Variants in IKZF5 observed in about 807,000 individuals in gnomAD.
IKZF5 encodes the protein zinc finger protein Pegasus.
IKZF5 carries 4 observed loss-of-function variants against 30.7 expected under a neutral mutation model. The ratio of observed to expected loss-of-function variants is 0.13; its 90% CI spans 0.06 to 0.30. The LOEUF (loss-of-function observed/expected upper bound fraction) is 0.30, where lower values mean the gene tolerates loss of function less well. Among genes scored for constraint, IKZF5 ranks in the 10% least tolerant of loss-of-function variants. IKZF5 has a pLI of 1.00. For missense variants in IKZF5, 348 were observed against 525.5 expected, an observed-to-expected ratio of 0.66 and a Z score of 3.30; for synonymous variants, 148 against 179.6, an observed-to-expected ratio of 0.82 and a Z score of 1.41.
chr10:122,999,392 C>G (rs185590337), intron 2 of IKZF5, among the ~76,000 whole-genome samples: 1 of 152,300 alleles, frequency 6.6e-6, no homozygotes, highest in African/African-American at 2.4e-5. Context: ...AATGAGTAGT[C>G]TGCAAATAAG....
In IKZF5 at chr10:123,008,765, C is replaced by A; in HGVS notation, c.-269G>T. ...GTCGCCGCCGCCGCCGTCTTCGTCA[C>A]CGTCACAGTCGCCGCCGCCATCTTT... On this transcript the variant is annotated 5_prime_UTR_variant, in exon 1 of 5. Coordinates refer to ENST00000368886, the MANE Select transcript of IKZF5 (RefSeq NM_001372123.1). 1.6e-6 allele frequency: 1 copy of A among 607,108 alleles called. No individual in the cohort carries two copies. The highest frequency in any genetic ancestry group is 2.8e-5 in the Admixed American group (1 of 35,790). The allele number at this position is 607,108 out of a possible 1,614,324, so 37.6% of individuals were successfully genotyped here. A position where few individuals can be genotyped will look rare whatever the true frequency, so the allele number is the denominator to read the frequency against.
intron 2 of IKZF5, among the ~76,000 whole-genome samples, chr10:123,002,587 G>A (rs1402814987): frequency 6.6e-6 from 1 of 151,204 alleles, no homozygotes; most frequent in African/African-American, 2.4e-5. Flanking sequence ...CACTTTGGGA[G>A]GCCGAGGCAG....
chr10:122,994,340 T>C lies in IKZF5; in HGVS notation c.700A>G (p.Thr234Ala), dbSNP rs1849282244. 2.5e-6 allele frequency: 4 copies of C among 1,613,978 alleles called. No homozygotes were observed. The highest frequency in any genetic ancestry group is 2.2e-5 in the East Asian group (1 of 44,870). Residue 234 changes from threonine (T) to alanine (A), a missense_variant, in exon 5 of 5, where the codon ACA (threonine) becomes GCA (alanine). Around this residue, in one of 4 missense-constraint regions of IKZF5, gnomAD observed 176 missense variants for 198.2 expected, o/e 0.89. Transcript: ENST00000368886. The surrounding 1 kb of genome is among the most constrained non-coding windows in gnomAD (Gnocchi z 5.6). ...TDSYESMAKTTPTGGLPRDPQ... is the reference protein window; with the variant it reads ...TDSYESMAKTAPTGGLPRDPQ... ...TCCCTTGGAAGGCCACCAGTTGGTGTGGTTTTTGCCATACTTTCATAGGAG... is the reference window on the plus strand; with the variant it reads ...TCCCTTGGAAGGCCACCAGTTGGTGCGGTTTTTGCCATACTTTCATAGGAG...
chr10:123,008,365 G>C (rs746956495), intron 1 of IKZF5, among the ~76,000 whole-genome samples: 5 of 152,034 alleles, frequency 3.3e-5, no homozygotes, highest in Non-Finnish European at 7.4e-5. Context: ...CGCAAACCTC[G>C]GGACGCCTCC....
rs998071426 is a variant in IKZF5 at position 122,991,070 on chromosome 10, T to C, written c.*2710A>G. 1 of 152,046 alleles carries C rather than the reference T, an allele frequency of 6.6e-6. No individual in the cohort carries two copies. Among genetic ancestry groups the C allele is most frequent in the Non-Finnish European group, 1.5e-5 (1 of 67,992 alleles). The allele number at this position is 152,046 out of a possible 1,614,324, so 9.4% of individuals were successfully genotyped here. On this transcript the variant is annotated 3_prime_UTR_variant, in exon 5 of 5. Transcript: ENST00000368886. ...TCTTTAGCAGGGAATTAAAAAAAAA[T>C]TAACATTCATTTGATAAATATTTTG...
Position 122,994,236 on chromosome 10 carries a change from T to G in IKZF5, c.804A>C (p.Glu268Asp), listed in dbSNP as rs1429555960. 2 of 1,613,876 alleles carry G rather than the reference T, an allele frequency of 1.2e-6. No homozygotes were observed. Among genetic ancestry groups the G allele is most frequent in the Non-Finnish European group, 1.7e-6 (2 of 1,180,000 alleles). ...CATCAGGGGATGCAGGGTTTTGGTT[T>G]TCGGGTGGCAGACTGGACAACTGCC... ...LAGQLSSLPP[E>D]NQNPASPDVV... Residue 268 changes from glutamate (E) to aspartate (D), a missense_variant, in exon 5 of 5, where the codon GAA (glutamate) becomes GAC (aspartate). By Grantham distance (45) the Glu-to-Asp change is conservative. Coordinates refer to ENST00000368886, the MANE Select transcript of IKZF5 (RefSeq NM_001372123.1). This position sits in a 1 kb window ranked among gnomAD's most constrained non-coding sequence, Gnocchi z 5.6.
intron 2 of IKZF5, among the ~76,000 whole-genome samples, chr10:123,001,915 C>A (rs561124022): frequency 1.3e-5 from 2 of 152,210 alleles, no homozygotes; most frequent in South Asian, 2.1e-4. Flanking sequence ...ATCAAAACTT[C>A]TTCTTTGACT....
intron 3 of IKZF5, 102 bp downstream of exon 3, chr10:122,998,391 A>G: frequency 1.0e-5 from 10 of 983,608 alleles, no homozygotes; most frequent in Non-Finnish European, 1.0e-5. Context: ...AAAAAACAGA[A>G]TGATTCACAT....
In IKZF5 at chr10:122,993,519, G is replaced by A. The variant is rs1849239405; in HGVS notation, c.*261C>T. Reference sequence around the variant, plus strand: ...TCAAATGAACATCTTGTAAGATTATGACTGCACTCCAATTCTCCAATGTCG... The same window carrying A: ...TCAAATGAACATCTTGTAAGATTATAACTGCACTCCAATTCTCCAATGTCG... On this transcript the variant is annotated 3_prime_UTR_variant, in exon 5 of 5. Transcript: ENST00000368886. 3.6e-6 allele frequency: 1 copy of A among 276,610 alleles called. No homozygotes were observed. Among genetic ancestry groups the A allele is most frequent in the South Asian group, 1.1e-4 (1 of 9,430 alleles). 17.1% of individuals were successfully genotyped at this position (276,610 alleles called of 1,614,324 possible).
rs1220259866 is a variant in IKZF5, at chr10:122,991,197, A to G, written c.*2583T>C. On this transcript the variant is annotated 3_prime_UTR_variant, in exon 5 of 5. Coordinates refer to ENST00000368886, the MANE Select transcript of IKZF5 (RefSeq NM_001372123.1). ...CAAACACTTATTTCTAAAATGAAAT[A>G]GCCCTGGAAACACCCAGTGGAATTT... The G allele has an allele frequency of 6.6e-6, 1 of 152,206 alleles. No homozygotes were observed. Among genetic ancestry groups the G allele is most frequent in the Non-Finnish European group, 1.5e-5 (1 of 68,020 alleles). The allele number at this position is 152,206 out of a possible 1,614,324, so 9.4% of individuals were successfully genotyped here.
intron 2 of IKZF5, among the ~76,000 whole-genome samples, chr10:123,003,006 TA>T (rs1354522578): frequency 1.3e-5 from 2 of 151,794 alleles, no homozygotes; most frequent in Non-Finnish European, 2.9e-5. Flanking sequence ...GTTGCATCTA[TA>T]TTAAACACGT....
At chr10:123,005,149 C>T (rs182374209) in intron 2 of IKZF5, among the ~76,000 whole-genome samples, 4,923 of 151,906 alleles carry the variant, frequency 0.032, 110 homozygotes, top group Middle Eastern at 0.095. Context: ...AAAAAAATTT[C>T]TGGAACTACA....
intron 2 of IKZF5, 35 bp from the exon 3 acceptor site, chr10:122,998,706 TACATAGCAA>T (rs1849478411): frequency 8.3e-6 from 10 of 1,210,486 alleles, no homozygotes; most frequent in Non-Finnish European, 1.2e-5. Flanking sequence ...GGAGATCTAG[TACATAGCAA>T]ACAAATGACA....
intron 1 of IKZF5, among the ~76,000 whole-genome samples, chr10:123,008,028 TCGAG>T (rs1378304471): frequency 6.6e-6 from 1 of 152,116 alleles, no homozygotes; most frequent in Non-Finnish European, 1.5e-5. Context: ...GATCCAGTCA[TCGAG>T]CATGCTAGGC....
Position 122,998,563 on chromosome 10 carries a change from C to T in IKZF5, c.63G>A (p.Gln21=). Residue 21 remains glutamine (Q), a synonymous_variant, in exon 3 of 5, where the codon CAG becomes CAA. Coordinates refer to ENST00000368886, the MANE Select transcript of IKZF5 (RefSeq NM_001372123.1). ...FVKDFQEYLT[Q]QTHHVNMISG... is the part of the protein sequence containing the mutation. Reference sequence around the variant, plus strand: ...AAATCATGTTCACGTGATGGGTCTGCTGAGTCAGGTATTCCTGAAAATCTT... The same window carrying T: ...AAATCATGTTCACGTGATGGGTCTGTTGAGTCAGGTATTCCTGAAAATCTT... 1 of 1,613,818 alleles carries T rather than the reference C, an allele frequency of 6.2e-7. No individual in the cohort carries two copies. The highest frequency in any genetic ancestry group is 8.5e-7 in the Non-Finnish European group (1 of 1,179,736).
intron 1 of IKZF5, among the ~76,000 whole-genome samples, chr10:123,008,302 C>T (rs1849893553): frequency 1.3e-5 from 2 of 152,160 alleles, no homozygotes; most frequent in Admixed American, 6.5e-5. Context: ...GGATTCGAAA[C>T]ACCTAGGAGA....
In IKZF5 at chr10:122,994,263, T is replaced by G. The variant is rs1849276788; in HGVS notation, c.777A>C (p.Ala259=). 1 of 1,613,932 alleles carries G rather than the reference T, an allele frequency of 6.2e-7. No individual in the cohort carries two copies. Among genetic ancestry groups the G allele is most frequent in the Non-Finnish European group, 8.5e-7 (1 of 1,179,994 alleles). The change falls in exon 5 of 5, where the codon GCA becomes GCC. Residue 259 remains alanine (A), a synonymous_variant. Transcript: ENST00000368886. The surrounding 1 kb of genome is among the most constrained non-coding windows in gnomAD (Gnocchi z 5.6). ...CGGGTGGCAGACTGGACAACTGCCC[T>G]GCTAGAGTCGAGAGCTGATTCAAAG... The part of the protein sequence containing the change: ...DNPLNQLSTL[A]GQLSSLPPEN...
At chr10:122,995,941 TG>T (rs1849352484) in intron 4 of IKZF5, 52 bp downstream of exon 4, 1 of 1,564,718 alleles carries the variant, frequency 6.4e-7, no homozygotes, top group Non-Finnish European at 8.7e-7. Context: ...CTGCCCCCCT[TG>T]GCCCCTCTCC....
At chr10:123,001,741 C>T (rs1564739450) in intron 2 of IKZF5, among the ~76,000 whole-genome samples, 2 of 152,282 alleles carry the variant, frequency 1.3e-5, no homozygotes, top group African/African-American at 4.8e-5. Context: ...CTTGCTATCA[C>T]AGTAATTTAA....
Sources: allele counts gnomAD v4.1 joint callset (sites outside exome capture counted in the v4.1 genomes callset), GRCh38; gene constraint gnomAD v4.1.1; regional missense constraint gnomAD v4.1.1; non-coding constraint Gnocchi (gnomAD v3.1); transcripts MANE v1.5; gene names NCBI Gene and HGNC (gene_info 2026-07-23, HGNC 2026-07-21).